The following NFATC1 variants were observed in gnomAD, a reference collection of about 807,000 sequenced individuals.
The protein encoded by NFATC1 is nuclear factor of activated T cells 1.
In NFATC1, 22 loss-of-function variants were observed where a neutral mutation model predicts 76.0. That is an observed-to-expected ratio of 0.29 (90% CI 0.21 to 0.41). The LOEUF (loss-of-function observed/expected upper bound fraction) is 0.41, where lower values mean the gene tolerates loss of function less well. NFATC1 is among the 10% of genes least tolerant of loss of function. The pLI, the probability that NFATC1 is intolerant of heterozygous loss-of-function variation, is 1.00. For synonymous variants in NFATC1, 704 were observed against 613.1 expected, an observed-to-expected ratio of 1.15 and a Z score of -2.19; for missense variants, 1,357 against 1,337.7, an observed-to-expected ratio of 1.01 and a Z score of -0.23.
chr18:79,436,633 C>T (rs1423175863), intron 3 of NFATC1, among the ~76,000 whole-genome samples: 1 of 152,248 alleles, frequency 6.6e-6, no homozygotes, highest in Non-Finnish European at 1.5e-5. Flanking sequence ...GCAGCACCTT[C>T]TCTCCAGGAA....
intron 9 of NFATC1, among the ~76,000 whole-genome samples, chr18:79,515,115 C>T (rs981222642): frequency 3.0e-4 from 46 of 151,966 alleles, no homozygotes; most frequent in Admixed American, 2.9e-3. Context: ...GAGGCAACGG[C>T]GGGCAGATCA....
In NFATC1 at chr18:79,411,358, G is replaced by GC; in HGVS notation, c.1088dup (p.Ala364GlyfsTer64). 1 of 1,588,680 alleles carries GC rather than the reference G, an allele frequency of 6.3e-7. No homozygotes were observed. The highest frequency in any genetic ancestry group is 1.8e-5 in the Admixed American group (1 of 56,136). On this transcript the variant is annotated frameshift_variant, in exon 2 of 10. Coordinates refer to ENST00000427363, the MANE Select transcript of NFATC1 (RefSeq NM_001278669.2). LOFTEE classifies it high-confidence loss of function. ...TCGGGGAGGACCTGGGCAGCCCCCC[G>GC]CCCCCGGCCGACTTCGCGCCCGAAG... is the stretch of plus-strand genomic sequence containing the variant.
At chr18:79,444,115 A>G (rs944589118) in intron 3 of NFATC1, among the ~76,000 whole-genome samples, 2 of 152,232 alleles carry the variant, frequency 1.3e-5, no homozygotes, top group African/African-American at 4.8e-5. Context: ...AAAACCTGAA[A>G]TGAGAAAAAA....
In NFATC1 at chr18:79,456,261, G is replaced by A. The variant is rs541448491; in HGVS notation, c.1903+4445G>A. ...CTATGCCGGGACACACACATTCACC[G>A]CGGCGAGTGTGGGGTGCATGTCCCC... On this transcript the variant is annotated intron_variant, in intron 6 of 9. Transcript: ENST00000427363. 5.3e-5 allele frequency among the ~76,000 whole-genome samples: 8 copies of A among 152,374 alleles called. No individual in the cohort carries two copies. In the East Asian group the frequency reaches 1.2e-3, roughly 22 times the overall value.
intron 9 of NFATC1, among the ~76,000 whole-genome samples, chr18:79,493,142 CCA>C (rs2089739246): frequency 6.6e-6 from 1 of 152,208 alleles, no homozygotes; most frequent in African/African-American, 2.4e-5. Flanking sequence ...TGAAAAAATG[CCA>C]CAGAGCTCCG....
At chr18:79,449,813 G>C (rs1046118564) in intron 4 of NFATC1, among the ~76,000 whole-genome samples, 1 of 152,208 alleles carries the variant, frequency 6.6e-6, no homozygotes, top group Non-Finnish European at 1.5e-5. Context: ...GAGTGGGGAG[G>C]AGTCCCGCAC....
intron 3 of NFATC1, among the ~76,000 whole-genome samples, chr18:79,447,793 T>TAG (rs1364621118): frequency 2.6e-5 from 4 of 152,242 alleles, no homozygotes; most frequent in Admixed American, 6.5e-5. Flanking sequence ...TTGTAAATGG[T>TAG]AGCGTTAAAG....
chr18:79,447,479 C>T (rs2087259887), intron 3 of NFATC1, among the ~76,000 whole-genome samples: 1 of 152,270 alleles, frequency 6.6e-6, no homozygotes, highest in Non-Finnish European at 1.5e-5. Flanking sequence ...AGAAAATCGA[C>T]TCCAAACGTG....
At chr18:79,508,708 C>T (rs948493406) in intron 9 of NFATC1, among the ~76,000 whole-genome samples, 12 of 151,532 alleles carry the variant, frequency 7.9e-5, no homozygotes, top group East Asian at 1.9e-4. Context: ...TGTCTCCCTC[C>T]GTCTCTGAAT....
intron 8 of NFATC1, among the ~76,000 whole-genome samples, chr18:79,474,580 C>T (rs1331754717): frequency 6.9e-6 from 1 of 144,780 alleles, no homozygotes; most frequent in Non-Finnish European, 1.5e-5. Context: ...TCGACATAAA[C>T]CTGAGGGAAG....
intron 2 of NFATC1, among the ~76,000 whole-genome samples, chr18:79,426,803 C>A (rs1015106039): frequency 1.3e-5 from 2 of 152,260 alleles, no homozygotes; most frequent in African/African-American, 4.8e-5. Context: ...GGAGGCAATG[C>A]CCCACCCGGC....
At chr18:79,509,373 C>T (rs1055110567) in intron 9 of NFATC1, among the ~76,000 whole-genome samples, 1 of 152,258 alleles carries the variant, frequency 6.6e-6, no homozygotes, top group African/African-American at 2.4e-5. Context: ...CCCAGCCACT[C>T]CCCCAGGTCC....
intron 4 of NFATC1, 75 bp downstream of exon 4, chr18:79,449,059 GT>G: frequency 6.7e-7 from 1 of 1,484,556 alleles, no homozygotes; most frequent in Non-Finnish European, 9.2e-7. Context: ...GTCCCGGGGG[GT>G]CTGGCCAGCC....
intron 9 of NFATC1, chr18:79,523,845 T>A (rs1252260497): frequency 1.3e-5 from 2 of 152,240 alleles, no homozygotes; most frequent in Non-Finnish European, 2.9e-5. Flanking sequence ...TAAATTGTGG[T>A]ATAACAGCTC....
At chr18:79,455,676 C>A (rs2087671495) in intron 6 of NFATC1, among the ~76,000 whole-genome samples, 1 of 152,086 alleles carries the variant, frequency 6.6e-6, no homozygotes, top group African/African-American at 2.4e-5. Flanking sequence ...CAGAGCCCTC[C>A]CCTGAGAAAC....
chr18:79,523,059 C>G (rs2090656970), intron 9 of NFATC1, among the ~76,000 whole-genome samples: 1 of 152,130 alleles, frequency 6.6e-6, no homozygotes, highest in African/African-American at 2.4e-5. Flanking sequence ...CTCCGTGGTC[C>G]CTGTGAACAG....
intron 2 of NFATC1, among the ~76,000 whole-genome samples, chr18:79,419,122 C>T (rs779498702): frequency 1.3e-5 from 2 of 152,140 alleles, no homozygotes; most frequent in South Asian, 2.1e-4. Flanking sequence ...CTCCTGGGCT[C>T]AGGTGACCCT....
At position 79,410,646 on chromosome 18, in the gene NFATC1, C is replaced by T. The variant is rs2085637181; in HGVS notation, c.371C>T (p.Ser124Leu). 3 of 1,613,236 alleles carry T rather than the reference C, an allele frequency of 1.9e-6. No individual in the cohort carries two copies. Among genetic ancestry groups the T allele is most frequent in the Non-Finnish European group, 2.5e-6 (3 of 1,180,014 alleles). Residue 124 changes from serine to leucine, a missense_variant, in exon 2 of 10, where the codon TCG becomes TTG. Physicochemically the swap from Ser to Leu is moderately radical, Grantham distance 145. Around this residue, in one of 3 missense-constraint regions of NFATC1, gnomAD observed 691 missense variants for 613.1 expected, o/e 1.13. Transcript: ENST00000427363. The surrounding 1 kb of genome is among the most constrained non-coding windows in gnomAD (Gnocchi z 6.7). ...ALESPRIEIT[S>L]CLGLYHNNNQ... ...GAGAGTCCTCGCATCGAGATAACCT[C>T]GTGCTTGGGCCTGTACCACAACAAT...
rs750609282 is a variant in NFATC1, at chr18:79,467,603, G to A, written c.2092+21G>A. 269 of 1,613,230 alleles carry A rather than the reference G, an allele frequency of 1.7e-4. 1 individual carries two copies. The highest frequency in any genetic ancestry group is 2.1e-4 in the Non-Finnish European group (251 of 1,179,702). On this transcript the variant is annotated intron_variant, in intron 8 of 9. Transcript: ENST00000427363. ...CAACGGTAACGCCATCTTTCTAACC[G>A]TAAGCCGTGAACATGAGCGCGTGGG... is the stretch of plus-strand genomic sequence containing the variant.
Sources: allele counts gnomAD v4.1 joint callset (sites outside exome capture counted in the v4.1 genomes callset), GRCh38; gene constraint gnomAD v4.1.1; regional missense constraint gnomAD v4.1.1; non-coding constraint Gnocchi (gnomAD v3.1); transcripts MANE v1.5; gene names NCBI Gene and HGNC (gene_info 2026-07-23, HGNC 2026-07-21).